The following PLXDC1 variants were observed in gnomAD, a reference collection of about 807,000 sequenced individuals.
PLXDC1 encodes plexin domain-containing protein 1.
Under a neutral mutation model 61.3 loss-of-function variants are expected in PLXDC1, and 39 were observed. The ratio of observed to expected loss-of-function variants is 0.64; its 90% confidence interval spans 0.49 to 0.83. The LOEUF (loss-of-function observed/expected upper bound fraction) is 0.83. Among genes scored for constraint, PLXDC1 ranks in the 40% least tolerant of loss-of-function variants. The probability of loss-of-function intolerance (pLI) is 0.00; values close to 1 mark genes in which losing one functional copy is unlikely to be tolerated. For missense variants in PLXDC1, 596 were observed against 666.5 expected, an observed-to-expected ratio of 0.89 and a Z score of 1.17; for synonymous variants, 212 against 254.5, an observed-to-expected ratio of 0.83 and a Z score of 1.59.
At chr17:39,107,730 A>C (rs1441662180) in intron 5 of PLXDC1, 2 of 613,446 alleles carry the variant, frequency 3.3e-6, no homozygotes, top group East Asian at 5.6e-5. Flanking sequence ...ATCCTGCTTC[A>C]GCCCCAGATA....
chr17:39,069,216 C>A (rs556006687), intron 13 of PLXDC1, among the ~76,000 whole-genome samples: 2 of 152,218 alleles, frequency 1.3e-5, no homozygotes, highest in South Asian at 4.1e-4. Flanking sequence ...AGGGATCCTC[C>A]CACCTCAGCT....
intron 9 of PLXDC1, 37 bp from the exon 10 acceptor site, chr17:39,079,201 T>C: frequency 1.3e-6 from 2 of 1,578,052 alleles, no homozygotes; most frequent in Non-Finnish European, 1.7e-6. Context: ...TATGATGGGA[T>C]TGACAAAGAA....
chr17:39,095,160 A>C (rs1910102192), intron 7 of PLXDC1, among the ~76,000 whole-genome samples: 1 of 151,602 alleles, frequency 6.6e-6, no homozygotes, highest in South Asian at 2.1e-4. Flanking sequence ...GCATGGGTGC[A>C]GCCAGGGATG....
intron 1 of PLXDC1, among the ~76,000 whole-genome samples, chr17:39,150,793 G>T (rs933964890): frequency 4.6e-5 from 7 of 152,202 alleles, no homozygotes; most frequent in Non-Finnish European, 7.3e-5. Context: ...GCAGCAAGTT[G>T]CTTCTTCCTG....
At chr17:39,147,670 GAGGGA>G (rs1434156212) in intron 1 of PLXDC1, among the ~76,000 whole-genome samples, 2 of 149,720 alleles carry the variant, frequency 1.3e-5, no homozygotes, top group Admixed American at 1.3e-4. Flanking sequence ...AAGAGGGAGG[GAGGGA>G]AGGGGAGGGG....
chr17:39,079,967 T>C (rs146778612), intron 9 of PLXDC1: 290 of 196,102 alleles, frequency 1.5e-3, no homozygotes, highest in African/African-American at 6.3e-3. Flanking sequence ...TGTCAGTCTT[T>C]CCTTCTGCAG....
chr17:39,120,983 T>G (rs1881058922), intron 2 of PLXDC1, among the ~76,000 whole-genome samples: 1 of 152,128 alleles, frequency 6.6e-6, no homozygotes, highest in Non-Finnish European at 1.5e-5. Context: ...CATGAGCCAC[T>G]GCACCTGGCC....
intron 8 of PLXDC1, 43 bp downstream of exon 8, chr17:39,087,564 A>C: frequency 6.9e-7 from 1 of 1,457,662 alleles, no homozygotes; most frequent in Non-Finnish European, 9.6e-7. Context: ...AGTCTGCTTG[A>C]CTCCAGAGCT....
rs561738064 is a variant in PLXDC1 at position 39,115,535 on chromosome 17, C to T, written c.256-6144G>A. On this transcript the variant is annotated intron_variant, in intron 2 of 13. Coordinates refer to ENST00000315392, the MANE Select transcript of PLXDC1 (RefSeq NM_020405.5). ...ACTCCAGGACAGTGAAGCCAGGAGCCATATCTACTCAGCTCTGGCTGAGGG... is the reference window on the plus strand; with the variant it reads ...ACTCCAGGACAGTGAAGCCAGGAGCTATATCTACTCAGCTCTGGCTGAGGG... Among the ~76,000 whole-genome samples, 239 of 152,298 alleles carry T rather than the reference C, an allele frequency of 1.6e-3. 1 individual carries two copies. The highest frequency in any genetic ancestry group is 2.9e-3 in the Non-Finnish European group (198 of 68,028).
chr17:39,088,161 A>G (rs377123973), intron 7 of PLXDC1, among the ~76,000 whole-genome samples: 2 of 152,150 alleles, frequency 1.3e-5, no homozygotes, highest in Non-Finnish European at 2.9e-5. Flanking sequence ...CACTGTGGAC[A>G]TGAGGGTCTA....
At chr17:39,111,130 C>T (rs1910785594) in intron 2 of PLXDC1, among the ~76,000 whole-genome samples, 3 of 152,132 alleles carry the variant, frequency 2.0e-5, no homozygotes, top group Non-Finnish European at 4.4e-5. Flanking sequence ...CTTGTGCATC[C>T]TTGTGTGCCC....
chr17:39,123,000 C>T (rs930363761), intron 2 of PLXDC1, among the ~76,000 whole-genome samples: 14 of 152,310 alleles, frequency 9.2e-5, no homozygotes, highest in African/African-American at 2.9e-4. Context: ...CCCACAGCAG[C>T]CCGTGAAGCG....
intron 13 of PLXDC1, 147 bp downstream of exon 13, chr17:39,069,709 A>G: frequency 3.1e-6 from 2 of 643,212 alleles, no homozygotes; most frequent in South Asian, 3.8e-5. Flanking sequence ...GGCGCCAGCC[A>G]TCTCGAAATG....
intron 11 of PLXDC1, 41 bp from the exon 12 acceptor site, chr17:39,072,526 C>A: frequency 8.0e-7 from 1 of 1,242,350 alleles, no homozygotes; most frequent in Non-Finnish European, 1.2e-6. Flanking sequence ...TTAGTGGAAT[C>A]ATTACAGCCT....
At position 39,087,718 on chromosome 17, in the gene PLXDC1, A is replaced by T; in HGVS notation, c.812-16T>A. The T allele has an allele frequency of 6.3e-7, 1 of 1,594,846 alleles. No individual in the cohort carries two copies. Among genetic ancestry groups the T allele is most frequent in the Non-Finnish European group, 8.6e-7 (1 of 1,163,898 alleles). On this transcript the variant is annotated splice_polypyrimidine_tract_variant and intron_variant, in intron 7 of 13. Coordinates refer to ENST00000315392, the MANE Select transcript of PLXDC1 (RefSeq NM_020405.5). Reference sequence around the variant, plus strand: ...CGCCGAGATTCTGAAACAGAGGCAGAGCCTGTTGTCAGGAGCATATCACAG... The same window carrying T: ...CGCCGAGATTCTGAAACAGAGGCAGTGCCTGTTGTCAGGAGCATATCACAG...
At chr17:39,122,204 A>C (rs1365656355) in intron 2 of PLXDC1, among the ~76,000 whole-genome samples, 2 of 151,138 alleles carry the variant, frequency 1.3e-5, no homozygotes, top group Non-Finnish European at 2.9e-5. Context: ...GGAGTTTGAG[A>C]CCAGCCGGGC....
chr17:39,135,603 G>A (rs1303525565), intron 2 of PLXDC1, among the ~76,000 whole-genome samples: 5 of 151,322 alleles, frequency 3.3e-5, no homozygotes, highest in Admixed American at 2.0e-4. Context: ...CTTGAACCTC[G>A]GAGCCAGAGG....
chr17:39,152,559 C>T, upstream of PLXDC1: 1 of 1,245,062 alleles, frequency 8.0e-7, no homozygotes, highest in Non-Finnish European at 1.0e-6. Context: ...GTTCTTGTGA[C>T]GGCAAGGAGC....
At chr17:39,152,657 A>G (rs559813994), upstream of PLXDC1, 338 of 1,239,472 alleles carry the variant, frequency 2.7e-4, 1 homozygote, top group South Asian at 9.0e-3. Flanking sequence ...CGCGGAGAGG[A>G]AGGGTGCGAA....
Sources: gnomAD v4.1 joint callset for allele counts (sites outside exome capture counted in the v4.1 genomes callset) on GRCh38, gnomAD v4.1.1 for gene constraint, MANE v1.5 for transcripts, NCBI Gene and HGNC (gene_info 2026-07-23, HGNC 2026-07-21) for gene names.